The following KRTCAP3 variants were observed in gnomAD, a reference collection of about 807,000 sequenced individuals.
The protein encoded by KRTCAP3 is keratinocyte associated protein 3, also known as keratinocyte-associated protein 3.
Under a neutral mutation model 20.5 loss-of-function variants are expected in KRTCAP3, and 18 were observed. That is an observed-to-expected ratio of 0.88 (90% CI 0.61 to 1.31). The LOEUF is 1.31. KRTCAP3 is among the 50% of genes most tolerant of loss of function. The pLI is 0.00. For missense variants in KRTCAP3, 347 were observed against 310.4 expected (o/e 1.12, Z -0.89); for synonymous variants, 167 against 133.7 (o/e 1.25, Z -1.72).
chr2:27,442,731 G>A lies in KRTCAP3; in HGVS notation c.181G>A (p.Ala61Thr). The A allele has an allele frequency of 1.9e-6, 3 of 1,606,768 alleles. No individual in the cohort carries two copies. Among genetic ancestry groups the A allele is most frequent in the Non-Finnish European group, 2.6e-6 (3 of 1,176,146 alleles). ...RGAVTPEYTV[A>T]NVISVGSGLL... ...CGCTGTCACGCCGGAGTACACCGTA[G>A]CCAATGTCATCTCTGTCGGCTCGGG... Residue 61 changes from alanine (A) to threonine (T), a missense_variant, in exon 2 of 7, where the codon GCC becomes ACC. Physicochemically the swap from Ala to Thr is moderately conservative, Grantham distance 58 (BLOSUM62 0). Coordinates refer to ENST00000288873, the MANE Select transcript of KRTCAP3 (RefSeq NM_173853.4).
At chr2:27,443,594 A>G in intron 5 of KRTCAP3, 62 bp downstream of exon 5, 1 of 1,590,468 alleles carries the variant, frequency 6.3e-7, no homozygotes, top group South Asian at 1.1e-5. Context: ...AAAGATGCTG[A>G]CCGGCCGGGT....
Position 27,444,004 on chromosome 2 carries a change from A to G in KRTCAP3, c.671A>G (p.Gln224Arg), listed in dbSNP as rs1664790130. The G allele has an allele frequency of 6.2e-7, 1 of 1,613,926 alleles. No homozygotes were observed. The highest frequency in any genetic ancestry group is 1.1e-5 in the South Asian group (1 of 91,090). The change falls in exon 6 of 7, where the codon CAG becomes CGG. Residue 224 changes from glutamine to arginine, a missense_variant. By Grantham distance (43) the Gln-to-Arg change is conservative (BLOSUM62 1). Transcript: ENST00000288873. Reference sequence around the variant, plus strand: ...AAATGTAAAAGGCAGGAAAATGAGCAGCTACTGGATCAAAATCAAGAAATC... The same window carrying G: ...AAATGTAAAAGGCAGGAAAATGAGCGGCTACTGGATCAAAATCAAGAAATC... ...SPKCKRQENE[Q>R]LLDQNQEIRA... is the part of the protein sequence containing the mutation.
chr2:27,445,114 G>C, downstream of KRTCAP3: 1 of 1,613,108 alleles, frequency 6.2e-7, no homozygotes, highest in Non-Finnish European at 8.5e-7. The surrounding 1 kb of genome is among the most constrained non-coding windows in gnomAD (Gnocchi z 4.4). Flanking sequence ...TCCTGTGGAG[G>C]AAGAAAAAAT....
Position 27,443,106 on chromosome 2 carries a change from C to A in KRTCAP3, c.306C>A (p.Asn102Lys), listed in dbSNP as rs145201619. 5.2e-5 allele frequency: 84 copies of A among 1,614,026 alleles called. No homozygotes were observed. The highest frequency in any genetic ancestry group is 1.3e-4 in the Admixed American group (8 of 60,022). Reference sequence around the variant, plus strand: ...TCCTGCTGGCACTAGCTCTGGTGAACCTGCTCTTGTCCGTTGCCTGCTCCC... The same window carrying A: ...TCCTGCTGGCACTAGCTCTGGTGAAACTGCTCTTGTCCGTTGCCTGCTCCC... Reference protein sequence around the residue: ...HWVLLALALVNLLLSVACSLG... With the variant: ...HWVLLALALVKLLLSVACSLG... The change falls in exon 4 of 7, where the codon AAC (asparagine) becomes AAA (lysine). Residue 102 changes from asparagine to lysine, a missense_variant. Physicochemically the swap from Asn to Lys is moderately conservative, Grantham distance 94. Coordinates refer to ENST00000288873, the MANE Select transcript of KRTCAP3 (RefSeq NM_173853.4).
At position 27,443,112 on chromosome 2, in the gene KRTCAP3, C is replaced by T; in HGVS notation, c.312C>T (p.Leu104=). The part of the protein sequence containing the change: ...VLLALALVNL[L]LSVACSLGLL... ...TGGCACTAGCTCTGGTGAACCTGCT[C>T]TTGTCCGTTGCCTGCTCCCTGGGCC... The change falls in exon 4 of 7, where the codon CTC becomes CTT. Residue 104 remains leucine, a synonymous_variant. Transcript: ENST00000288873. The T allele has an allele frequency of 6.2e-7, 1 of 1,614,080 alleles. No homozygotes were observed. The highest frequency in any genetic ancestry group is 8.5e-7 in the Non-Finnish European group (1 of 1,180,022).
chr2:27,443,291 T>G lies in KRTCAP3; in HGVS notation c.480+11T>G, dbSNP rs1461843468. The G allele has an allele frequency of 6.2e-7, 1 of 1,613,856 alleles. No individual in the cohort carries two copies. Among genetic ancestry groups the G allele is most frequent in the South Asian group, 1.1e-5 (1 of 91,068 alleles). ...CCCACAAGAATCTATGTGAGCACAT[T>G]CTCTTCCTTCTTGTGGTCTACAAAG... is the stretch of plus-strand genomic sequence containing the variant. On this transcript the variant is annotated intron_variant, in intron 4 of 6. Transcript: ENST00000288873.
downstream of KRTCAP3, chr2:27,445,492 G>A (rs1488801443): frequency 2.6e-5 from 41 of 1,583,706 alleles, no homozygotes; most frequent in Non-Finnish European, 3.4e-5. This position sits in a 1 kb window ranked among gnomAD's most constrained non-coding sequence, Gnocchi z 4.4. Flanking sequence ...CACAGGGCAG[G>A]GCAGGACAAG....
chr2:27,445,713 G>A, downstream of KRTCAP3: 1 of 1,610,430 alleles, frequency 6.2e-7, no homozygotes, highest in Non-Finnish European at 8.5e-7. The surrounding 1 kb of genome is among the most constrained non-coding windows in gnomAD (Gnocchi z 4.4). Context: ...ACACTGGTGA[G>A]GCCTTCCGGT....
Position 27,443,181 on chromosome 2 carries a change from C to T in KRTCAP3, c.381C>T (p.Arg127=). The T allele has an allele frequency of 6.2e-7, 1 of 1,614,018 alleles. No homozygotes were observed. Among genetic ancestry groups the T allele is most frequent in the Non-Finnish European group, 8.5e-7 (1 of 1,179,928 alleles). Reference sequence around the variant, plus strand: ...TCACTGTGGCCAACGGTGGCCGCCGCCTTATTGCTGACTGCCACCCAGGAC... The same window carrying T: ...TCACTGTGGCCAACGGTGGCCGCCGTCTTATTGCTGACTGCCACCCAGGAC... ...VSLTVANGGR[R]LIADCHPGLL... The change falls in exon 4 of 7, where the codon CGC becomes CGT. Residue 127 remains arginine (R), a synonymous_variant. Coordinates refer to ENST00000288873, the MANE Select transcript of KRTCAP3 (RefSeq NM_173853.4).
At chr2:27,446,003 A>T (rs1195545186), downstream of KRTCAP3, 2 of 1,614,196 alleles carry the variant, frequency 1.2e-6, no homozygotes, top group Admixed American at 3.3e-5. Flanking sequence ...AGCAAAGAAG[A>T]GTTGCAAATG....
chr2:27,444,177 T>G lies in KRTCAP3; in HGVS notation c.*6-9T>G. ...CCTCTGACCTGGGTTGGTTCTCCCC[T>G]CTGTCCAGCAGGTGCTGTTCCGAGA... On this transcript the variant is annotated splice_polypyrimidine_tract_variant and intron_variant, in intron 6 of 6. Coordinates refer to ENST00000288873, the MANE Select transcript of KRTCAP3 (RefSeq NM_173853.4). 1 of 729,512 alleles carries G rather than the reference T, an allele frequency of 1.4e-6. No individual in the cohort carries two copies. The highest frequency in any genetic ancestry group is 2.4e-6 in the Non-Finnish European group (1 of 415,030). The allele number at this position is 729,512 out of a possible 1,614,324, so 45.2% of individuals were successfully genotyped here.
At chr2:27,446,155 C>T (rs994445963), downstream of KRTCAP3, 8 of 1,334,652 alleles carry the variant, frequency 6.0e-6, no homozygotes, top group African/African-American at 1.2e-4. Flanking sequence ...TCCTCCGTAA[C>T]ATCAGCCCTA....
At chr2:27,443,589 T>C (rs1572702537) in intron 5 of KRTCAP3, 57 bp downstream of exon 5, 1 of 1,599,592 alleles carries the variant, frequency 6.3e-7, no homozygotes, top group East Asian at 2.2e-5. Flanking sequence ...GTTGAAAAGA[T>C]GCTGACCGGC....
chr2:27,443,753 G>A (rs892349286), intron 5 of KRTCAP3, among the ~76,000 whole-genome samples, 196 bp from the exon 6 acceptor site: 1 of 151,982 alleles, frequency 6.6e-6, no homozygotes, highest in Non-Finnish European at 1.5e-5. Context: ...GTGGGCGCCT[G>A]TAATCCCAGC....
intron 5 of KRTCAP3, 144 bp downstream of exon 5, chr2:27,443,676 T>G (rs1316789966): frequency 2.4e-6 from 2 of 846,356 alleles, no homozygotes; most frequent in Admixed American, 2.6e-5. Flanking sequence ...GTCAGGAGTT[T>G]GAGACCAGCT....
chr2:27,446,135 G>C (rs1323057424), downstream of KRTCAP3: 22 of 1,312,756 alleles, frequency 1.7e-5, no homozygotes, highest in African/African-American at 3.6e-5. Context: ...GAAGACATAG[G>C]AGGACTACAT....
rs770173943 is a variant in KRTCAP3, at chr2:27,442,619, C to T, written c.69C>T (p.Leu23=). 7 of 1,568,462 alleles carry T rather than the reference C, an allele frequency of 4.5e-6. No homozygotes were observed. The highest frequency in any genetic ancestry group is 1.2e-5 in the South Asian group (1 of 83,712). ...CCAGGCGGCTGATGCGTGTGGGCCT[C>T]GCGCTGATCTTGGTGGGCCACGTGA... The part of the protein sequence containing the change: ...RGPRRLMRVG[L]ALILVGHVNL... The change falls in exon 2 of 7, where the codon CTC becomes CTT. Residue 23 remains leucine, a synonymous_variant. Transcript: ENST00000288873.
At chr2:27,444,594 T>C, downstream of KRTCAP3, 1 of 1,165,570 alleles carries the variant, frequency 8.6e-7, no homozygotes. Context: ...ATCGCAGGCT[T>C]CAGGGTCTGC....
At position 27,442,409 on chromosome 2, in the gene KRTCAP3, C is replaced by G. The variant is rs765450954; in HGVS notation, c.-4C>G. ...GCGGCCCTGCGGCTGGCGCGGCGGA[C>G]GGGATGAGGCGCTGCAGTCTCTGCG... On this transcript the variant is annotated 5_prime_UTR_variant, in exon 1 of 7. Coordinates refer to ENST00000288873, the MANE Select transcript of KRTCAP3 (RefSeq NM_173853.4). 8.4e-6 allele frequency: 13 copies of G among 1,555,214 alleles called. No individual in the cohort carries two copies. Among genetic ancestry groups the G allele is most frequent in the South Asian group, 1.2e-5 (1 of 84,342 alleles).
Sources: allele counts gnomAD v4.1 joint callset (sites outside exome capture counted in the v4.1 genomes callset), GRCh38; gene constraint gnomAD v4.1.1; non-coding constraint Gnocchi (gnomAD v3.1); transcripts MANE v1.5; gene names NCBI Gene and HGNC (gene_info 2026-07-23, HGNC 2026-07-21).